UBE2E2: variants seen among roughly 807,000 people sequenced by gnomAD.
The protein encoded by UBE2E2 is ubiquitin conjugating enzyme E2 E2.
In UBE2E2, 6 loss-of-function variants were observed where a neutral mutation model predicts 24.7. The ratio of observed to expected loss-of-function variants is 0.24; its 90% CI spans 0.13 to 0.48. The LOEUF (loss-of-function observed/expected upper bound fraction) is 0.48, where lower values mean the gene tolerates loss of function less well. Ranked by LOEUF, UBE2E2 falls within the 20% of genes least tolerant of loss-of-function variation. The pLI, the probability that UBE2E2 is intolerant of heterozygous loss-of-function variation, is 0.99. For missense variants in UBE2E2, 169 were observed against 245.0 expected, an observed-to-expected ratio of 0.69 and a Z score of 2.07; for synonymous variants, 104 against 83.6, an observed-to-expected ratio of 1.24 and a Z score of -1.33.
chr3:23,473,959 A>AGTTC (rs1372724745), intron 3 of UBE2E2, among the ~76,000 whole-genome samples: 4 of 152,030 alleles, frequency 2.6e-5, no homozygotes, highest in Non-Finnish European at 5.9e-5. Flanking sequence ...TTCTATTTTT[A>AGTTC]GTTCTTTAAG....
At chr3:23,539,909 A>C (rs1189666149) in intron 5 of UBE2E2, among the ~76,000 whole-genome samples, 12 of 152,008 alleles carry the variant, frequency 7.9e-5, no homozygotes, top group Non-Finnish European at 4.4e-5. Flanking sequence ...TGGCCTCTAG[A>C]CTCTCCTTTA....
At chr3:23,444,291 T>A (rs1180523738) in intron 3 of UBE2E2, among the ~76,000 whole-genome samples, 1 of 152,158 alleles carries the variant, frequency 6.6e-6, no homozygotes, top group African/African-American at 2.4e-5. Flanking sequence ...AGCTGCAGTC[T>A]TTGCTTCTTG....
At chr3:23,203,176 A>T (rs1024050427), upstream of UBE2E2, 11 of 985,188 alleles carry the variant, frequency 1.1e-5, no homozygotes, top group African/African-American at 1.4e-4. Context: ...TCCAGGACTC[A>T]GGGGCAGCCA....
intron 3 of UBE2E2, among the ~76,000 whole-genome samples, chr3:23,358,652 T>C (rs1019690007): frequency 1.3e-5 from 2 of 152,226 alleles, no homozygotes; most frequent in African/African-American, 4.8e-5. Flanking sequence ...GTTAAAACAA[T>C]CATGCTTTTT....
chr3:23,558,437 C>T (rs912344070), intron 5 of UBE2E2, among the ~76,000 whole-genome samples: 1 of 152,088 alleles, frequency 6.6e-6, no homozygotes, highest in Admixed American at 6.6e-5. Flanking sequence ...GCTTGATGCC[C>T]GAGTCTCAGA....
chr3:23,399,098 A>G (rs1265033899), intron 3 of UBE2E2, among the ~76,000 whole-genome samples: 1 of 152,096 alleles, frequency 6.6e-6, no homozygotes, highest in African/African-American at 2.4e-5. Flanking sequence ...ATCTTAACTA[A>G]TAGGCATTTA....
chr3:23,411,238 G>C (rs1489108374), intron 3 of UBE2E2, among the ~76,000 whole-genome samples: 5 of 152,150 alleles, frequency 3.3e-5, no homozygotes, highest in Non-Finnish European at 5.9e-5. Context: ...AAAAGTCAGG[G>C]TCAGCAAAGT....
At chr3:23,255,659 T>C (rs1697703680) in intron 3 of UBE2E2, among the ~76,000 whole-genome samples, 1 of 152,200 alleles carries the variant, frequency 6.6e-6, no homozygotes, top group Non-Finnish European at 1.5e-5. Context: ...CTTTTTTCTA[T>C]TTTACAGAAG....
At chr3:23,564,361 G>T (rs1490532260) in intron 5 of UBE2E2, among the ~76,000 whole-genome samples, 1 of 152,142 alleles carries the variant, frequency 6.6e-6, no homozygotes, top group African/African-American at 2.4e-5. Flanking sequence ...ATCTCTCAGT[G>T]CAAGGGGATG....
intron 3 of UBE2E2, among the ~76,000 whole-genome samples, chr3:23,384,950 G>A (rs887088725): frequency 1.3e-5 from 2 of 149,152 alleles, no homozygotes; most frequent in Middle Eastern, 3.5e-3. Flanking sequence ...TTTTCTTTTT[G>A]AGATAGAGTC....
chr3:23,458,244 A>G (rs1485103723), intron 3 of UBE2E2, among the ~76,000 whole-genome samples: 1 of 152,010 alleles, frequency 6.6e-6, no homozygotes, highest in Non-Finnish European at 1.5e-5. Flanking sequence ...GGAAGGCCCA[A>G]GGAGAAGGGG....
intron 3 of UBE2E2, among the ~76,000 whole-genome samples, chr3:23,288,577 G>A (rs1043746782): frequency 1.3e-5 from 2 of 152,124 alleles, no homozygotes; most frequent in African/African-American, 4.8e-5. Flanking sequence ...AATATTTGCT[G>A]TATATATCTG....
chr3:23,396,725 AATAAC>A (rs1320063655), intron 3 of UBE2E2, among the ~76,000 whole-genome samples: 6 of 152,170 alleles, frequency 3.9e-5, no homozygotes, highest in Non-Finnish European at 5.9e-5. Flanking sequence ...CATAGGAGTA[AATAAC>A]ATAATACAGG....
chr3:23,400,651 C>A (rs1697201869), intron 3 of UBE2E2, among the ~76,000 whole-genome samples: 1 of 148,762 alleles, frequency 6.7e-6, no homozygotes. Flanking sequence ...CATCTCAGGC[C>A]TTTCAGTACT....
chr3:23,495,692 CT>C (rs1475516250), intron 3 of UBE2E2, among the ~76,000 whole-genome samples: 1 of 152,148 alleles, frequency 6.6e-6, no homozygotes, highest in Non-Finnish European at 1.5e-5. Flanking sequence ...TATTATTCAT[CT>C]GAGTGAGTGA....
intron 3 of UBE2E2, among the ~76,000 whole-genome samples, chr3:23,351,110 C>T (rs1396157486): frequency 6.6e-6 from 1 of 152,130 alleles, no homozygotes; most frequent in African/African-American, 2.4e-5. Flanking sequence ...GAATTTTCAG[C>T]CCATAATTTC....
chr3:23,263,640 G>T (rs1466096308), intron 3 of UBE2E2, among the ~76,000 whole-genome samples: 1 of 152,136 alleles, frequency 6.6e-6, no homozygotes, highest in Non-Finnish European at 1.5e-5. Flanking sequence ...TAAAAAAGAG[G>T]GTGGTTTGAA....
At chr3:23,569,180 C>T (rs531696519) in intron 5 of UBE2E2, among the ~76,000 whole-genome samples, 24 of 152,220 alleles carry the variant, frequency 1.6e-4, no homozygotes, top group South Asian at 4.1e-4. Flanking sequence ...TGCTACCACA[C>T]GGATGAACCT....
intron 3 of UBE2E2, among the ~76,000 whole-genome samples, chr3:23,429,581 T>G (rs4340647): frequency 0.19 from 28,325 of 152,090 alleles, 3,336 homozygotes; most frequent in African/African-American, 0.32. Flanking sequence ...TCAACACCTA[T>G]TCATGATAAA....
Sources: gnomAD v4.1 joint callset for allele counts (sites outside exome capture counted in the v4.1 genomes callset) on GRCh38, gnomAD v4.1.1 for gene constraint, MANE v1.5 for transcripts, NCBI Gene and HGNC (gene_info 2026-07-23, HGNC 2026-07-21) for gene names.